Variants in ZNF618 observed in about 807,000 individuals in gnomAD.
ZNF618 encodes the protein zinc finger protein 618.
Under a neutral mutation model 103.0 loss-of-function variants are expected in ZNF618, and 34 were observed. The ratio of observed to expected loss-of-function variants is 0.33; its 90% CI spans 0.25 to 0.44. ZNF618 has a LOEUF of 0.44. Ranked by LOEUF, ZNF618 falls within the 20% of genes least tolerant of loss-of-function variation. The pLI is 1.00. For synonymous variants in ZNF618, 551 were observed against 542.2 expected, an observed-to-expected ratio of 1.02 and a Z score of -0.23; for missense variants, 1,059 against 1,295.4, an observed-to-expected ratio of 0.82 and a Z score of 2.80.
At chr9:113,994,477 G>T (rs928139222) in intron 3 of ZNF618, among the ~76,000 whole-genome samples, 1 of 152,210 alleles carries the variant, frequency 6.6e-6, no homozygotes, top group Admixed American at 6.5e-5. Flanking sequence ...GGGTCTGAAG[G>T]GTTAGAGGGT....
intron 1 of ZNF618, among the ~76,000 whole-genome samples, chr9:113,942,453 A>G (rs117504285): frequency 1.9e-3 from 293 of 152,172 alleles, no homozygotes; most frequent in South Asian, 2.3e-3. Flanking sequence ...GGCCTACCTG[A>G]GTCTGTTTTG....
chr9:113,889,347 T>TTCTCTC, intron 1 of ZNF618, among the ~76,000 whole-genome samples: 1 of 104,216 alleles, frequency 9.6e-6, no homozygotes, highest in African/African-American at 3.3e-5. Context: ...CTCTCTCTCT[T>TTCTCTC]TCTCTCCCTC....
rs1219162460 is a variant in ZNF618 at position 114,016,003 on chromosome 9, C to CA, written c.755-692_755-691insA. The CA allele has an allele frequency of 6.0e-5, 62 of 1,038,768 alleles. No individual in the cohort carries two copies. In the African/African-American group the frequency reaches 9.5e-4, roughly 16 times the overall value. The allele number at this position is 1,038,768 out of a possible 1,614,324, so 64.3% of individuals were successfully genotyped here. A position where few individuals can be genotyped will look rare whatever the true frequency, so the allele number is the denominator to read the frequency against. On this transcript the variant is annotated intron_variant, in intron 9 of 14. Coordinates refer to ENST00000374126, the MANE Select transcript of ZNF618 (RefSeq NM_001318042.2). ...GAAGAGTGGGGACCAGGGCACCCTC[C>CA]CCCAAGGGGGTAGATGCTGCTCTTT... is the stretch of plus-strand genomic sequence containing the variant.
At chr9:113,968,983 C>T (rs1007510281) in intron 1 of ZNF618, 134 bp from the exon 2 acceptor site, 15 of 985,046 alleles carry the variant, frequency 1.5e-5, no homozygotes, top group African/African-American at 7.9e-5. Flanking sequence ...CCTGGAGGAG[C>T]GGGACAGGGG....
intron 2 of ZNF618, among the ~76,000 whole-genome samples, chr9:113,978,319 C>T (rs1838673918): frequency 6.6e-6 from 1 of 152,232 alleles, no homozygotes; most frequent in Non-Finnish European, 1.5e-5. Context: ...GAAGCTATGA[C>T]CTTTTTCCCA....
At chr9:113,976,897 A>T (rs148024097) in intron 2 of ZNF618, among the ~76,000 whole-genome samples, 246 of 152,254 alleles carry the variant, frequency 1.6e-3, no homozygotes, top group Middle Eastern at 0.014. Flanking sequence ...CCATCCTTTA[A>T]TCTTCCAGAG....
intron 1 of ZNF618, among the ~76,000 whole-genome samples, chr9:113,910,837 C>CA: frequency 6.8e-6 from 1 of 146,576 alleles, no homozygotes; most frequent in South Asian, 2.2e-4. Context: ...TTCTTTTTTT[C>CA]TTTTTTTTTT....
At chr9:113,957,797 A>G (rs1481847853) in intron 1 of ZNF618, among the ~76,000 whole-genome samples, 2 of 137,364 alleles carry the variant, frequency 1.5e-5, no homozygotes, top group Admixed American at 8.2e-5. Flanking sequence ...CCATGAAGCA[A>G]AAGTTTCCTT....
intron 12 of ZNF618, among the ~76,000 whole-genome samples, chr9:114,035,842 G>A (rs1166312313): frequency 6.6e-6 from 1 of 151,800 alleles, no homozygotes; most frequent in Non-Finnish European, 1.5e-5. Flanking sequence ...TTTTCCTTAT[G>A]TCTGTTACCT....
At position 113,960,722 on chromosome 9, in the gene ZNF618, T is replaced by G. The variant is rs760142640; in HGVS notation, c.34-8395T>G. 3.3e-5 allele frequency among the ~76,000 whole-genome samples: 5 copies of G among 152,362 alleles called. No individual in the cohort carries two copies. In the East Asian group the frequency reaches 7.7e-4, roughly 23 times the overall value. ...TCTCTGGGGCCTCCTGCGGAGAAGA[T>G]GCCTAGACCTGGTTTGGGGACGGTC... is the stretch of plus-strand genomic sequence containing the variant. On this transcript the variant is annotated intron_variant, in intron 1 of 14. Coordinates refer to ENST00000374126, the MANE Select transcript of ZNF618 (RefSeq NM_001318042.2).
chr9:113,980,870 C>T (rs1356574267), intron 2 of ZNF618, among the ~76,000 whole-genome samples: 1 of 152,204 alleles, frequency 6.6e-6, no homozygotes, highest in African/African-American at 2.4e-5. Context: ...AATAGAGTGG[C>T]AGCCACTGGA....
At chr9:114,017,696 T>A (rs1588356290) in intron 10 of ZNF618, among the ~76,000 whole-genome samples, 1 of 152,136 alleles carries the variant, frequency 6.6e-6, no homozygotes, top group African/African-American at 2.4e-5. Flanking sequence ...CTCTCCCCAT[T>A]CTGTGGATGG....
intron 1 of ZNF618, among the ~76,000 whole-genome samples, chr9:113,967,193 T>C (rs1024752528): frequency 7.2e-5 from 11 of 152,222 alleles, no homozygotes; most frequent in African/African-American, 2.7e-4. Flanking sequence ...TTTTAAGATC[T>C]CTGGGGCAGA....
chr9:113,962,107 G>A (rs893251365), intron 1 of ZNF618, among the ~76,000 whole-genome samples: 1 of 152,194 alleles, frequency 6.6e-6, no homozygotes, highest in Non-Finnish European at 1.5e-5. Flanking sequence ...CAGGGTTACT[G>A]GGAGGATCTC....
At chr9:114,020,432 C>G (rs750445533) in intron 10 of ZNF618, among the ~76,000 whole-genome samples, 1 of 152,092 alleles carries the variant, frequency 6.6e-6, no homozygotes, top group East Asian at 1.9e-4. Flanking sequence ...AATATTGGGT[C>G]TCCCAATCCA....
rs564221614 is a variant in ZNF618, at chr9:114,034,418, G to A, written c.1168+1690G>A. 8.5e-5 allele frequency among the ~76,000 whole-genome samples: 13 copies of A among 152,312 alleles called. No individual in the cohort carries two copies. In the South Asian group the frequency reaches 1.7e-3, roughly 19 times the overall value. ...AGAGCTAATATTCACAATCGGGAAC[G>A]ATAGCGCAAGCACTGCTGCTGCTGC... On this transcript the variant is annotated intron_variant, in intron 12 of 14. Transcript: ENST00000374126.
In ZNF618 at chr9:113,917,811, AAG is replaced by A. The variant is rs1323908539; in HGVS notation, c.33+41401_33+41402del. Among the ~76,000 whole-genome samples the A allele has an allele frequency of 2.0e-5, 3 of 152,210 alleles. No homozygotes were observed. The East Asian group carries it at 5.8e-4, about 29-fold the overall frequency. On this transcript the variant is annotated intron_variant, in intron 1 of 14. Transcript: ENST00000374126. ...ACTCATAAAAACCTCTAGAAATACTAAGAGTTTCCATACACTTTCACCTAGCT... is the reference window on the plus strand; with the variant it reads ...ACTCATAAAAACCTCTAGAAATACTAAGTTTCCATACACTTTCACCTAGCT...
At position 114,054,458 on chromosome 9, in the gene ZNF618, C is replaced by CT. The variant is rs2134782914; in HGVS notation, c.*4292dup. 1 of 152,452 alleles carries CT rather than the reference C, an allele frequency of 6.6e-6. No homozygotes were observed. Among genetic ancestry groups the CT allele is most frequent in the East Asian group, 1.9e-4 (1 of 5,188 alleles). The allele number at this position is 152,452 out of a possible 1,614,324, so 9.4% of individuals were successfully genotyped here. ...CGCCTTGGCAACAGCGGCAATGCCTCTATCTCTGGGATGCATCTTAAGGAG... is the reference window on the plus strand; with the variant it reads ...CGCCTTGGCAACAGCGGCAATGCCTCTTATCTCTGGGATGCATCTTAAGGAG... On this transcript the variant is annotated 3_prime_UTR_variant, in exon 15 of 15. Coordinates refer to ENST00000374126, the MANE Select transcript of ZNF618 (RefSeq NM_001318042.2).
In ZNF618 at chr9:114,054,431, C is replaced by G. The variant is rs371342957; in HGVS notation, c.*4264C>G. 6.6e-6 allele frequency: 1 copy of G among 152,316 alleles called. No homozygotes were observed. Among genetic ancestry groups the G allele is most frequent in the Non-Finnish European group, 1.5e-5 (1 of 68,104 alleles). The allele number at this position is 152,316 out of a possible 1,614,324, so 9.4% of individuals were successfully genotyped here. On this transcript the variant is annotated 3_prime_UTR_variant, in exon 15 of 15. Transcript: ENST00000374126. ...GCCGCCCGAAGTTCATAGCTTTGCC[C>G]TCGCCTTGGCAACAGCGGCAATGCC...
Sources: allele counts gnomAD v4.1 joint callset (sites outside exome capture counted in the v4.1 genomes callset), GRCh38; gene constraint gnomAD v4.1.1; transcripts MANE v1.5; gene names NCBI Gene and HGNC (gene_info 2026-07-23, HGNC 2026-07-21).